The following EYS variants were observed in gnomAD, a reference collection of about 807,000 sequenced individuals.
The protein encoded by EYS is EGF-like photoreceptor maintenance factor.
In EYS, 250 loss-of-function variants were observed where a neutral mutation model predicts 282.1. The observed-to-expected ratio is 0.89, with a 90% CI of 0.80 to 0.98. EYS has a LOEUF of 0.98. EYS is among the 50% of genes least tolerant of loss of function. EYS has a pLI of 0.00. For missense variants in EYS, 4,016 were observed against 3,709.0 expected (o/e 1.08, Z -2.15); for synonymous variants, 1,355 against 1,282.9 (o/e 1.06, Z -1.20).
intron 31 of EYS, among the ~76,000 whole-genome samples, chr6:64,106,198 ATTTCT>A (rs375634751): frequency 2.2e-4 from 34 of 151,168 alleles, no homozygotes; most frequent in African/African-American, 8.0e-4. Context: ...ATTTTCTTTC[ATTTCT>A]TAGTATATCA....
chr6:64,006,798 T>A (rs1768368692), intron 33 of EYS, among the ~76,000 whole-genome samples: 1 of 152,182 alleles, frequency 6.6e-6, no homozygotes, highest in Admixed American at 6.5e-5. Flanking sequence ...TCCCATTTAT[T>A]GATTTGCATA....
chr6:65,126,916 G>A (rs1454966675), intron 12 of EYS, among the ~76,000 whole-genome samples: 2 of 152,098 alleles, frequency 1.3e-5, no homozygotes, highest in Non-Finnish European at 2.9e-5. Flanking sequence ...GAAAGCTGTT[G>A]ACCTGAGGCT....
intron 26 of EYS, among the ~76,000 whole-genome samples, chr6:64,545,152 C>T (rs1429530205): frequency 2.0e-5 from 3 of 152,170 alleles, no homozygotes; most frequent in African/African-American, 4.8e-5. Flanking sequence ...TCCAGCAGCA[C>T]ATCAAAAAGC....
At chr6:64,877,743 T>G (rs988018828) in intron 19 of EYS, among the ~76,000 whole-genome samples, 1 of 152,164 alleles carries the variant, frequency 6.6e-6, no homozygotes, top group Admixed American at 6.6e-5. Flanking sequence ...GAAATGGATA[T>G]TCAATAGACA....
chr6:64,754,455 G>T (rs1187863311), intron 22 of EYS, among the ~76,000 whole-genome samples: 1 of 152,074 alleles, frequency 6.6e-6, no homozygotes, highest in Non-Finnish European at 1.5e-5. Context: ...CCAAAAAGTT[G>T]AATAGGAGGG....
At chr6:65,182,508 C>T (rs953445605) in intron 12 of EYS, among the ~76,000 whole-genome samples, 5 of 151,544 alleles carry the variant, frequency 3.3e-5, no homozygotes, top group Admixed American at 6.6e-5. Flanking sequence ...AGTATTTCCA[C>T]GTCACTGCAT....
At chr6:64,746,287 G>A (rs1348358126) in intron 22 of EYS, among the ~76,000 whole-genome samples, 3 of 151,798 alleles carry the variant, frequency 2.0e-5, no homozygotes, top group Non-Finnish European at 4.4e-5. Flanking sequence ...TATTGTCAAG[G>A]TTCATTATCT....
intron 33 of EYS, among the ~76,000 whole-genome samples, chr6:64,047,918 T>C (rs1487201178): frequency 6.6e-6 from 1 of 152,152 alleles, no homozygotes; most frequent in Admixed American, 6.6e-5. Flanking sequence ...TTTATTTATT[T>C]ATTTTGAGAC....
intron 26 of EYS, among the ~76,000 whole-genome samples, chr6:64,442,885 C>T (rs931734512): frequency 8.8e-4 from 71 of 80,510 alleles, no homozygotes; most frequent in African/African-American, 2.5e-3. Context: ...GAACTTCTGC[C>T]ACGGCAGTGC....
Position 63,762,478 on chromosome 6 carries a change from C to A in EYS, c.8054G>T (p.Gly2685Val). ...TGCCTCACCTTGTTCACAGTAGATT[C>A]CAGTGGTTCCTAGAGGACAGAAACA... Reference protein sequence around the residue: ...YTCFCPLGTTGIYCEQALSIS... With the variant: ...YTCFCPLGTTVIYCEQALSIS... Residue 2685 changes from glycine (G) to valine (V), a missense_variant, in exon 41 of 43, where the codon GGA becomes GTA. Gly to Val is a moderately radical substitution (Grantham distance 109). Transcript: ENST00000503581. The A allele has an allele frequency of 6.5e-7, 1 of 1,549,936 alleles. No individual in the cohort carries two copies. The highest frequency in any genetic ancestry group is 1.2e-5 in the South Asian group (1 of 84,006).
At chr6:64,446,904 T>C (rs1775134484) in intron 26 of EYS, among the ~76,000 whole-genome samples, 1 of 151,568 alleles carries the variant, frequency 6.6e-6, no homozygotes, top group Non-Finnish European at 1.5e-5. Flanking sequence ...GCAACCAAAA[T>C]GTAAAATGAT....
At chr6:65,294,222 G>A (rs1408994798) in intron 12 of EYS, among the ~76,000 whole-genome samples, 2 of 151,450 alleles carry the variant, frequency 1.3e-5, no homozygotes, top group African/African-American at 2.4e-5. Flanking sequence ...TCCACTTTTT[G>A]TGGGATTAAC....
At chr6:65,513,965 C>A (rs933502607) in intron 2 of EYS, among the ~76,000 whole-genome samples, 21 of 152,082 alleles carry the variant, frequency 1.4e-4, no homozygotes, top group Non-Finnish European at 2.1e-4. Flanking sequence ...AGAAGGAAAT[C>A]AAGGGTATTC....
At chr6:65,314,794 A>G (rs1240517677) in intron 11 of EYS, among the ~76,000 whole-genome samples, 1 of 152,084 alleles carries the variant, frequency 6.6e-6, no homozygotes, top group South Asian at 2.1e-4. Flanking sequence ...ATTTTTGTTC[A>G]TGGAATAAGT....
intron 30 of EYS, among the ~76,000 whole-genome samples, chr6:64,298,147 A>G (rs1184126924): frequency 8.5e-5 from 13 of 152,216 alleles, no homozygotes; most frequent in Admixed American, 7.2e-4. Context: ...TGAAGAAATA[A>G]GAGTAAATTA....
At chr6:64,570,951 C>T (rs1173983548) in intron 26 of EYS, among the ~76,000 whole-genome samples, 2 of 152,132 alleles carry the variant, frequency 1.3e-5, no homozygotes, top group Non-Finnish European at 2.9e-5. Context: ...CTACAGAACT[C>T]TCCACCCCAG....
intron 32 of EYS, among the ~76,000 whole-genome samples, chr6:64,079,812 T>C (rs1165137476): frequency 6.6e-6 from 1 of 152,030 alleles, no homozygotes; most frequent in Non-Finnish European, 1.5e-5. Context: ...TATCAGAATA[T>C]GCGATGTTTG....
chr6:64,208,525 A>G (rs1192870261), intron 31 of EYS, among the ~76,000 whole-genome samples: 1 of 152,146 alleles, frequency 6.6e-6, no homozygotes, highest in Non-Finnish European at 1.5e-5. Flanking sequence ...ATAACGGTAT[A>G]TTACAGTAAA....
chr6:63,976,309 GCCACAACATCA>G (rs1182477074), intron 35 of EYS, among the ~76,000 whole-genome samples: 3 of 151,998 alleles, frequency 2.0e-5, no homozygotes, highest in Non-Finnish European at 2.9e-5. Context: ...TGTTACAATA[GCCACAACATCA>G]CCAGAAAACA....
Sources: allele counts gnomAD v4.1 joint callset (sites outside exome capture counted in the v4.1 genomes callset), GRCh38; gene constraint gnomAD v4.1.1; transcripts MANE v1.5; gene names NCBI Gene and HGNC (gene_info 2026-07-23, HGNC 2026-07-21).